CEP250: variants seen among roughly 807,000 people sequenced by gnomAD.
CEP250 encodes the protein centrosome-associated protein CEP250.
In CEP250, 242 loss-of-function variants were observed where a neutral mutation model predicts 315.7. The observed-to-expected ratio is 0.77, with a 90% CI of 0.69 to 0.85. The LOEUF (loss-of-function observed/expected upper bound fraction) is 0.85. Ranked by LOEUF, CEP250 falls within the 40% of genes least tolerant of loss-of-function variation. The probability of loss-of-function intolerance (pLI) is 0.00; values close to 1 mark genes in which losing one functional copy is unlikely to be tolerated. For synonymous variants in CEP250, 1,088 were observed against 1,175.0 expected, an observed-to-expected ratio of 0.93 and a Z score of 1.51; for missense variants, 2,515 against 2,886.4, an observed-to-expected ratio of 0.87 and a Z score of 2.95.
intron 28 of CEP250, 129 bp downstream of exon 28, chr20:35,500,298 T>C: frequency 8.6e-7 from 1 of 1,165,912 alleles, no homozygotes; most frequent in Non-Finnish European, 1.2e-6. Context: ...CATCTCACTC[T>C]GTCACTCAGG....
At position 35,505,877 on chromosome 20, in the gene CEP250, G is replaced by C. The variant is rs79766594; in HGVS notation, c.6636+872G>C. 6.2e-4 allele frequency among the ~76,000 whole-genome samples: 94 copies of C among 152,252 alleles called. 1 individual carries two copies. The East Asian group carries it at 0.017, about 28-fold the overall frequency. On this transcript the variant is annotated intron_variant, in intron 30 of 34. Coordinates refer to ENST00000397527, the MANE Select transcript of CEP250 (RefSeq NM_007186.6). ...ACAAGTCATGCTGAGGACCTGGGTG[G>C]TGGGAAGCAGATGAAGTTTTTGCAG...
chr20:35,505,485 T>G (rs138965337), intron 30 of CEP250, among the ~76,000 whole-genome samples: 3,388 of 152,128 alleles, frequency 0.022, 142 homozygotes, highest in African/African-American at 0.077. Flanking sequence ...AAACCCCGTC[T>G]CTACTAAAAA....
chr20:35,469,829 A>G, intron 9 of CEP250, 61 bp from the exon 10 acceptor site: 1 of 1,138,342 alleles, frequency 8.8e-7, no homozygotes, highest in Non-Finnish European at 1.3e-6. Flanking sequence ...GGTGTGCTGC[A>G]TCGTAGCTCT....
chr20:35,456,111 T>C (rs2062617458), intron 1 of CEP250, among the ~76,000 whole-genome samples: 1 of 152,170 alleles, frequency 6.6e-6, no homozygotes. Context: ...GTCAGGCTGA[T>C]CTCGAACTCC....
At chr20:35,466,581 G>A (rs906028715) in intron 7 of CEP250, among the ~76,000 whole-genome samples, 1 of 152,108 alleles carries the variant, frequency 6.6e-6, no homozygotes, top group African/African-American at 2.4e-5. Context: ...GAGCTGTTAT[G>A]GGCCCTGGGG....
intron 1 of CEP250, among the ~76,000 whole-genome samples, chr20:35,456,786 C>G (rs889351603): frequency 4.5e-4 from 63 of 141,364 alleles, no homozygotes; most frequent in Non-Finnish European, 8.8e-4. Context: ...CCTCCCCCCA[C>G]TTTTTTTTTT....
In CEP250 at chr20:35,502,537, C is replaced by G. The variant is rs777670042; in HGVS notation, c.4168C>G (p.Leu1390Val). The change falls in exon 30 of 35, where the codon CTG becomes GTG. Residue 1390 changes from leucine to valine, a missense_variant. Leu to Val is a conservative substitution (Grantham distance 32, BLOSUM62 1). Coordinates refer to ENST00000397527, the MANE Select transcript of CEP250 (RefSeq NM_007186.6). ...DLRTARSALK[L>V]KNEEVESERE... ...GAGAACGGCTCGCTCAGCACTGAAG[C>G]TGAAAAATGAGGAAGTAGAGAGTGA... is the stretch of plus-strand genomic sequence containing the variant. 3.1e-6 allele frequency: 5 copies of G among 1,614,106 alleles called. No homozygotes were observed. In the East Asian group the frequency reaches 8.9e-5, roughly 29 times the overall value.
At position 35,503,978 on chromosome 20, in the gene CEP250, G is replaced by T; in HGVS notation, c.5609G>T (p.Arg1870Met). ...ELQDHKEQAR[R>M]LEEELAVEGR... ...CAGGACCACAAGGAACAGGCACGAA[G>T]GCTGGAGGAAGAGCTGGCAGTGGAG... Residue 1870 changes from arginine to methionine, a missense_variant, in exon 30 of 35, where the codon AGG (arginine) becomes ATG (methionine). Transcript: ENST00000397527. This position sits in a 1 kb window ranked among gnomAD's most constrained non-coding sequence, Gnocchi z 4.2. The T allele has an allele frequency of 6.2e-7, 1 of 1,610,918 alleles. No individual in the cohort carries two copies. Among genetic ancestry groups the T allele is most frequent in the African/African-American group, 1.3e-5 (1 of 74,950 alleles).
Position 35,491,196 on chromosome 20 carries a change from C to T in CEP250, c.2755-16C>T, listed in dbSNP as rs578203793. 75 of 1,610,342 alleles carry T rather than the reference C, an allele frequency of 4.7e-5. No homozygotes were observed. Among genetic ancestry groups the T allele is most frequent in the Middle Eastern group, 1.9e-4 (1 of 5,188 alleles). On this transcript the variant is annotated splice_polypyrimidine_tract_variant and intron_variant, in intron 21 of 34. Coordinates refer to ENST00000397527, the MANE Select transcript of CEP250 (RefSeq NM_007186.6). ...ATCCTGAGCCCACAAGCTGTTACCC[C>T]CCTACCCCTCCACAGATGCAGCTGG...
chr20:35,482,392 G>A (rs1258461579), intron 20 of CEP250, among the ~76,000 whole-genome samples: 3 of 151,452 alleles, frequency 2.0e-5, no homozygotes, highest in Admixed American at 6.6e-5. Context: ...CACCATGCCC[G>A]GCTAATTTTT....
In CEP250 at chr20:35,478,046, C is replaced by A; in HGVS notation, c.2039C>A (p.Ala680Glu). The change falls in exon 17 of 35, where the codon GCA becomes GAA. Residue 680 changes from alanine (A) to glutamate (E), a missense_variant. Physicochemically the swap from Ala to Glu is moderately radical, Grantham distance 107. Coordinates refer to ENST00000397527, the MANE Select transcript of CEP250 (RefSeq NM_007186.6). ...KAEEAGAELQ[A>E]DLRDIQEEKE... ...GAGGAGGCTGGGGCTGAGCTGCAGG[C>A]AGATCTCAGGGACATCCAAGAAGAG... 1 of 1,613,994 alleles carries A rather than the reference C, an allele frequency of 6.2e-7. No individual in the cohort carries two copies. Among genetic ancestry groups the A allele is most frequent in the Middle Eastern group, 1.6e-4 (1 of 6,062 alleles).
At chr20:35,484,083 A>G (rs371442793) in intron 20 of CEP250, among the ~76,000 whole-genome samples, 3 of 151,052 alleles carry the variant, frequency 2.0e-5, no homozygotes, top group African/African-American at 7.3e-5. Context: ...CTAGTTCTGT[A>G]ATTTGTTGTT....
chr20:35,484,438 C>A (rs539129708), intron 20 of CEP250, among the ~76,000 whole-genome samples: 37 of 152,224 alleles, frequency 2.4e-4, no homozygotes, highest in African/African-American at 8.9e-4. Context: ...TTTTTCCTAC[C>A]CTGTATCAAA....
At chr20:35,497,278 C>T (rs888079233) in intron 25 of CEP250, among the ~76,000 whole-genome samples, 3 of 152,178 alleles carry the variant, frequency 2.0e-5, no homozygotes, top group African/African-American at 4.8e-5. Context: ...ACGTCAGCTT[C>T]TTCATCCATA....
chr20:35,511,329 G>T, intron 34 of CEP250, 34 bp from the exon 35 acceptor site: 2 of 1,557,728 alleles, frequency 1.3e-6, no homozygotes, highest in Non-Finnish European at 8.7e-7. Flanking sequence ...GCCCTCAGCT[G>T]CTCTCGCTTT....
rs567993806 is a variant in CEP250, at chr20:35,475,469, A to C, written c.1572-33A>C. The C allele has an allele frequency of 3.7e-6, 6 of 1,609,738 alleles. No homozygotes were observed. In the African/African-American group the frequency reaches 8.0e-5, roughly 21 times the overall value. ...TTTGGGGTTATGGCCCATCCCTAAGAGTTCCTCTAGACCCCTCTCTTTCCC... is the reference window on the plus strand; with the variant it reads ...TTTGGGGTTATGGCCCATCCCTAAGCGTTCCTCTAGACCCCTCTCTTTCCC... On this transcript the variant is annotated intron_variant, in intron 14 of 34. Transcript: ENST00000397527.
rs771980642 is a variant in CEP250 at position 35,472,628 on chromosome 20, A to G, written c.1051-45A>G. On this transcript the variant is annotated intron_variant, in intron 11 of 34. Coordinates refer to ENST00000397527, the MANE Select transcript of CEP250 (RefSeq NM_007186.6). ...AGGGTTAAGTCCCTCTATAGACTCT[A>G]GGCTTTGGTCAGTAGGGTGGTGACC... 20 of 1,604,550 alleles carry G rather than the reference A, an allele frequency of 1.2e-5. No individual in the cohort carries two copies. The East Asian group carries it at 4.0e-4, about 32-fold the overall frequency.
rs1159404622 is a variant in CEP250 at position 35,467,136 on chromosome 20, C to A, written c.599+64C>A. 1.3e-5 allele frequency: 11 copies of A among 862,880 alleles called. 1 individual carries two copies. In the Admixed American group the frequency reaches 1.6e-4, roughly 13 times the overall value. 53.5% of individuals were successfully genotyped at this position (862,880 alleles called of 1,614,324 possible). A position where few individuals can be genotyped will look rare whatever the true frequency, so the allele number is the denominator to read the frequency against. On this transcript the variant is annotated intron_variant, in intron 8 of 34. Coordinates refer to ENST00000397527, the MANE Select transcript of CEP250 (RefSeq NM_007186.6). ...CCAATTCTGGACTAATAACAGTGGG[C>A]TGCTATAGAAGCGGGATCAGCTGTG...
At position 35,514,823 on chromosome 20, in the gene CEP250, C is replaced by A. The variant is rs1027294664; in HGVS notation, c.*3197C>A. 1.3e-5 allele frequency: 2 copies of A among 152,350 alleles called. No individual in the cohort carries two copies. Among genetic ancestry groups the A allele is most frequent in the Non-Finnish European group, 2.9e-5 (2 of 68,058 alleles). The allele number at this position is 152,350 out of a possible 1,614,324, so 9.4% of individuals were successfully genotyped here. Reference sequence around the variant, plus strand: ...CCTGATAAAACCATTGCAGTCCACACTAGGTCTGGAGGCTTCGACACCCAC... The same window carrying A: ...CCTGATAAAACCATTGCAGTCCACAATAGGTCTGGAGGCTTCGACACCCAC... On this transcript the variant is annotated 3_prime_UTR_variant, in exon 35 of 35. Coordinates refer to ENST00000397527, the MANE Select transcript of CEP250 (RefSeq NM_007186.6).
Sources: gnomAD v4.1 joint callset for allele counts (sites outside exome capture counted in the v4.1 genomes callset) on GRCh38, gnomAD v4.1.1 for gene constraint, Gnocchi (gnomAD v3.1) non-coding constraint, MANE v1.5 for transcripts, NCBI Gene and HGNC (gene_info 2026-07-23, HGNC 2026-07-21) for gene names.